Variants in COL24A1 observed in about 807,000 individuals in gnomAD.
COL24A1 encodes the protein collagen alpha-1(XXIV) chain.
COL24A1 carries 224 observed loss-of-function variants against 253.9 expected under a neutral mutation model. That is an observed-to-expected ratio of 0.88 (90% CI 0.79 to 0.99). COL24A1 has a LOEUF of 0.99. Among genes scored for constraint, COL24A1 ranks in the 50% least tolerant of loss-of-function variants. The pLI is 0.00. For synonymous variants in COL24A1, 685 were observed against 673.7 expected (o/e 1.02, Z -0.26); for missense variants, 2,131 against 2,068.5 (o/e 1.03, Z -0.59).
intron 14 of COL24A1, among the ~76,000 whole-genome samples, chr1:86,029,195 A>G (rs1698319839): frequency 6.6e-6 from 1 of 152,148 alleles, no homozygotes; most frequent in South Asian, 2.1e-4. Context: ...GGACTAAAGA[A>G]ATCTCATAAG....
intron 12 of COL24A1, among the ~76,000 whole-genome samples, chr1:86,039,640 A>G (rs1225686357): frequency 6.6e-6 from 1 of 152,212 alleles, no homozygotes; most frequent in Non-Finnish European, 1.5e-5. Context: ...CTAAACAAGC[A>G]TTAATAATCA....
At chr1:86,106,367 T>C (rs1405168027) in intron 5 of COL24A1, among the ~76,000 whole-genome samples, 1 of 152,084 alleles carries the variant, frequency 6.6e-6, no homozygotes, top group Non-Finnish European at 1.5e-5. Context: ...TAAGGCTAGA[T>C]GTTTTCATTT....
intron 7 of COL24A1, among the ~76,000 whole-genome samples, chr1:86,064,472 TA>T (rs1435994405): frequency 4.6e-5 from 7 of 152,040 alleles, no homozygotes; most frequent in Non-Finnish European, 8.8e-5. Flanking sequence ...AAGAATGAAA[TA>T]AAGAAAAATT....
At chr1:85,929,745 A>T (rs1486459989) in intron 24 of COL24A1, among the ~76,000 whole-genome samples, 1 of 147,898 alleles carries the variant, frequency 6.8e-6, no homozygotes. Context: ...CTCAGACCAC[A>T]GTGCAATCAA....
intron 51 of COL24A1, among the ~76,000 whole-genome samples, chr1:85,782,773 T>G (rs1558105595): frequency 6.6e-6 from 1 of 152,204 alleles, no homozygotes; most frequent in Non-Finnish European, 1.5e-5. Context: ...CAGCTGCTAT[T>G]AGTCATAGAG....
chr1:86,147,969 A>C (rs955381553), intron 1 of COL24A1, among the ~76,000 whole-genome samples: 3 of 152,160 alleles, frequency 2.0e-5, no homozygotes, highest in African/African-American at 7.2e-5. Context: ...TCACCCCCAG[A>C]ATTTCTAACT....
intron 39 of COL24A1, 59 bp from the exon 40 acceptor site, chr1:85,842,452 A>G: frequency 9.1e-7 from 1 of 1,102,270 alleles, no homozygotes. Context: ...TTAAATCATT[A>G]GACTTCTACT....
At chr1:86,153,836 T>C (rs1653111177) in intron 1 of COL24A1, among the ~76,000 whole-genome samples, 1 of 152,224 alleles carries the variant, frequency 6.6e-6, no homozygotes, top group Non-Finnish European at 1.5e-5. Flanking sequence ...AGAGACCTTC[T>C]GATAATATGT....
chr1:86,124,825 T>C lies in COL24A1; in HGVS notation c.1491+20A>G, dbSNP rs1647978230. The C allele has an allele frequency of 6.8e-7, 1 of 1,474,780 alleles. No homozygotes were observed. The highest frequency in any genetic ancestry group is 1.4e-5 in the African/African-American group (1 of 70,470). The allele number at this position is 1,474,780 out of a possible 1,614,324, so 91.4% of individuals were successfully genotyped here. A position where few individuals can be genotyped will look rare whatever the true frequency, so the allele number is the denominator to read the frequency against. On this transcript the variant is annotated intron_variant, in intron 3 of 59. Coordinates refer to ENST00000370571, the MANE Select transcript of COL24A1 (RefSeq NM_152890.7). ...ATGTAAGTTAGCATATTAGGAGATA[T>C]TAAAAAAAAAAAAACTTACGGGAGG... is the stretch of plus-strand genomic sequence containing the variant.
chr1:85,850,559 G>A (rs560454588), intron 37 of COL24A1, among the ~76,000 whole-genome samples: 1 of 152,258 alleles, frequency 6.6e-6, no homozygotes, highest in South Asian at 2.1e-4. Context: ...GCACTAACCT[G>A]AGGACTTCTT....
chr1:86,036,797 T>C (rs1290007425), intron 12 of COL24A1, among the ~76,000 whole-genome samples: 1 of 152,188 alleles, frequency 6.6e-6, no homozygotes, highest in Non-Finnish European at 1.5e-5. Flanking sequence ...CTTTCTCCAG[T>C]TGAAAGAATG....
intron 2 of COL24A1, among the ~76,000 whole-genome samples, chr1:86,132,624 T>A (rs1055367731): frequency 4.6e-5 from 7 of 152,350 alleles, no homozygotes; most frequent in African/African-American, 1.7e-4. Flanking sequence ...AAATAGGGAA[T>A]CCTTTCCCCA....
intron 28 of COL24A1, among the ~76,000 whole-genome samples, chr1:85,896,797 G>A (rs980132218): frequency 6.6e-6 from 1 of 152,218 alleles, no homozygotes; most frequent in Non-Finnish European, 1.5e-5. Flanking sequence ...CACCCACCGC[G>A]CACGGCCAAG....
intron 10 of COL24A1, among the ~76,000 whole-genome samples, chr1:86,057,163 C>T (rs1194069419): frequency 2.0e-5 from 3 of 152,056 alleles, no homozygotes; most frequent in Admixed American, 2.0e-4. Context: ...TCTCAACTCA[C>T]ATGAGATCTG....
At chr1:85,739,097 T>C (rs191655054) in intron 57 of COL24A1, among the ~76,000 whole-genome samples, 1 of 152,296 alleles carries the variant, frequency 6.6e-6, no homozygotes, top group Admixed American at 6.5e-5. Context: ...CTTCAGAATT[T>C]TGAATATTTC....
chr1:85,803,166 G>A (rs1187161002), intron 47 of COL24A1, among the ~76,000 whole-genome samples: 2 of 152,062 alleles, frequency 1.3e-5, no homozygotes, highest in Non-Finnish European at 2.9e-5. Flanking sequence ...TAACAATATA[G>A]AGGCTGGGTG....
chr1:85,951,978 G>T (rs1370325219), intron 24 of COL24A1, among the ~76,000 whole-genome samples: 1 of 152,106 alleles, frequency 6.6e-6, no homozygotes, highest in East Asian at 1.9e-4. Flanking sequence ...CAAAAGTAGA[G>T]CATTCATATA....
rs372445647 is a variant in COL24A1 at position 85,745,490 on chromosome 1, T to C, written c.4454A>G (p.Asn1485Ser). 116 of 1,609,886 alleles carry C rather than the reference T, an allele frequency of 7.2e-5. No individual in the cohort carries two copies. The highest frequency in any genetic ancestry group is 1.6e-4 in the Middle Eastern group (1 of 6,074). ...TTCAATCAAGGCTTGAATAGCAGCA[T>C]TGATATCCATTTGCTTCTGTGTAAA... ...APGPRKQMDI[N>S]AAIQALIESN... The change falls in exon 56 of 60, where the codon AAT becomes AGT. Residue 1485 changes from asparagine (N) to serine (S), a missense_variant. Physicochemically the swap from Asn to Ser is conservative, Grantham distance 46. Coordinates refer to ENST00000370571, the MANE Select transcript of COL24A1 (RefSeq NM_152890.7).
intron 1 of COL24A1, among the ~76,000 whole-genome samples, chr1:86,150,618 CA>C (rs35263491): frequency 0.083 from 12,559 of 151,992 alleles, 610 homozygotes; most frequent in East Asian, 0.22. Context: ...GAAGTGGGTA[CA>C]ACAGAGAAAG....
Sources: gnomAD v4.1 joint callset for allele counts (sites outside exome capture counted in the v4.1 genomes callset) on GRCh38, gnomAD v4.1.1 for gene constraint, MANE v1.5 for transcripts, NCBI Gene and HGNC (gene_info 2026-07-23, HGNC 2026-07-21) for gene names.